NCBP2: variants seen among roughly 807,000 people sequenced by gnomAD.
NCBP2 encodes nuclear cap-binding protein subunit 2.
NCBP2 carries 8 observed loss-of-function variants against 21.5 expected under a neutral mutation model. The observed-to-expected ratio is 0.37, with a 90% CI of 0.22 to 0.67. The LOEUF is 0.67. Among genes scored for constraint, NCBP2 ranks in the 30% least tolerant of loss-of-function variants. The pLI is 0.56. For synonymous variants in NCBP2, 92 were observed against 75.8 expected (o/e 1.21, Z -1.11); for missense variants, 127 against 206.9 (o/e 0.61, Z 2.37).
At chr3:196,941,259 A>G (rs1716545382) in intron 1 of NCBP2, 1 of 151,960 alleles carries the variant, frequency 6.6e-6, no homozygotes, top group South Asian at 2.1e-4. Flanking sequence ...CGCCCGCCTA[A>G]TTTTTGTATT....
rs768892509 is a variant in NCBP2, at chr3:196,942,359, CAA to C, written c.78+65_78+66del. On this transcript the variant is annotated intron_variant, in intron 1 of 3. Coordinates refer to ENST00000321256, the MANE Select transcript of NCBP2 (RefSeq NM_007362.5). ...CTGAATGGGAGGCGACACAATGAGA[CAA>C]GAGCAAACCGTTTCTCAGCGTTCTT... 9 of 1,570,438 alleles carry C rather than the reference CAA, an allele frequency of 5.7e-6. No homozygotes were observed. The East Asian group carries it at 7.0e-5, about 12-fold the overall frequency.
chr3:196,935,844 A>T lies in NCBP2; in HGVS notation c.*1167T>A, dbSNP rs1296691318. 1 of 96,874 alleles carries T rather than the reference A, an allele frequency of 1.0e-5. No homozygotes were observed. Among genetic ancestry groups the T allele is most frequent in the Non-Finnish European group, 1.9e-5 (1 of 51,916 alleles). 6.0% of individuals were successfully genotyped at this position (96,874 alleles called of 1,614,324 possible). On this transcript the variant is annotated 3_prime_UTR_variant, in exon 4 of 4. Transcript: ENST00000321256. The stretch of plus-strand genomic sequence containing the variant: ...ATCACCTCTTGCCTTACAAATACCA[A>T]ATAAATTCCCTAGACTCCCCTCCCT...
At chr3:196,939,125 A>G in intron 2 of NCBP2, 126 bp downstream of exon 2, 3 of 744,988 alleles carry the variant, frequency 4.0e-6, no homozygotes, top group Non-Finnish European at 6.9e-6. Flanking sequence ...AAGGGCAGAG[A>G]CACACTGGGT....
intron 3 of NCBP2, 56 bp downstream of exon 3, chr3:196,937,454 G>T: frequency 1.9e-6 from 3 of 1,604,424 alleles, no homozygotes; most frequent in Non-Finnish European, 1.7e-6. Flanking sequence ...CAAAACACCT[G>T]TCATTGTGAC....
intron 1 of NCBP2, chr3:196,942,135 C>A: frequency 1.4e-6 from 2 of 1,464,972 alleles, no homozygotes; most frequent in Non-Finnish European, 1.8e-6. Context: ...GAAACGGGAG[C>A]CGCCACCACC....
intron 1 of NCBP2, 135 bp downstream of exon 1, chr3:196,942,291 G>T: frequency 6.6e-7 from 1 of 1,513,888 alleles, no homozygotes; most frequent in South Asian, 1.3e-5. Context: ...TCCCTGCCTC[G>T]CCAGCAGGCA....
intron 3 of NCBP2, 164 bp downstream of exon 3, chr3:196,937,344 TAA>T (rs1256636513): frequency 2.6e-5 from 26 of 989,572 alleles, no homozygotes; most frequent in Non-Finnish European, 3.2e-5. Context: ...TTTCACGGTT[TAA>T]AAAAAAAATT....
intron 2 of NCBP2, chr3:196,938,389 A>G (rs937927166): frequency 1.3e-5 from 2 of 152,186 alleles, no homozygotes; most frequent in Non-Finnish European, 2.9e-5. Flanking sequence ...ACCGAAACAA[A>G]CATAATTCAG....
At chr3:196,942,336 G>A (rs1716633854) in intron 1 of NCBP2, 90 bp downstream of exon 1, 6 of 1,547,346 alleles carry the variant, frequency 3.9e-6, no homozygotes, top group Non-Finnish European at 5.2e-6. Flanking sequence ...GATTTCAGCT[G>A]AATGGGAGGC....
rs1577863418 is a variant in NCBP2, at chr3:196,939,066, A to C, written c.260+185T>G. 6 of 500,836 alleles carry C rather than the reference A, an allele frequency of 1.2e-5. No individual in the cohort carries two copies. The East Asian group carries it at 1.9e-4, about 16-fold the overall frequency. 31.0% of individuals were successfully genotyped at this position (500,836 alleles called of 1,614,324 possible). ...GAAAAACTTTTTGTTAAAGAACCAT[A>C]AAGCATGGATTTCAGAAGAGAATAT... is the stretch of plus-strand genomic sequence containing the variant. On this transcript the variant is annotated intron_variant, in intron 2 of 3. Coordinates refer to ENST00000321256, the MANE Select transcript of NCBP2 (RefSeq NM_007362.5).
rs1366477626 is a variant in NCBP2 at position 196,936,725 on chromosome 3, GCTAAAGA to G, written c.*279_*285del. ...TCTTTCTAAAAGTGTAGTGGTTATG[GCTAAAGA>G]CTAATCAACATTACAGATCCAATCT... On this transcript the variant is annotated 3_prime_UTR_variant, in exon 4 of 4. Transcript: ENST00000321256. The G allele has an allele frequency of 2.1e-6, 1 of 479,086 alleles. No individual in the cohort carries two copies. Among genetic ancestry groups the G allele is most frequent in the African/African-American group, 1.9e-5 (1 of 51,330 alleles). 29.7% of individuals were successfully genotyped at this position (479,086 alleles called of 1,614,324 possible).
rs1199736248 is a variant in NCBP2, at chr3:196,937,092, A to G, written c.400-10T>C. 3.7e-6 allele frequency: 6 copies of G among 1,613,782 alleles called. No homozygotes were observed. Among genetic ancestry groups the G allele is most frequent in the Non-Finnish European group, 5.1e-6 (6 of 1,179,784 alleles). ...GATACTCATCCCGAACCTTTAATGG[A>G]AAGAATCCAGAGTTACAGTATGGAA... On this transcript the variant is annotated splice_polypyrimidine_tract_variant and intron_variant, in intron 3 of 3. Coordinates refer to ENST00000321256, the MANE Select transcript of NCBP2 (RefSeq NM_007362.5).
In NCBP2 at chr3:196,939,370, A is replaced by T. The variant is rs548405891; in HGVS notation, c.141T>A (p.Leu47=). The change falls in exon 2 of 4, where the codon CTT becomes CTA. Residue 47 remains leucine, a synonymous_variant. Coordinates refer to ENST00000321256, the MANE Select transcript of NCBP2 (RefSeq NM_007362.5). ...TTTGTTCTTCAGTTGTGTAAAAAGA[A>T]AGATTTCCAACATATAACGTACAGC... ...KKSCTLYVGN[L]SFYTTEEQIY... 45 of 1,613,292 alleles carry T rather than the reference A, an allele frequency of 2.8e-5. No homozygotes were observed. The highest frequency in any genetic ancestry group is 3.5e-5 in the Non-Finnish European group (41 of 1,179,388).
chr3:196,941,659 T>G (rs1577867656), intron 1 of NCBP2: 1 of 545,554 alleles, frequency 1.8e-6, no homozygotes, highest in Non-Finnish European at 3.2e-6. Context: ...ACTAAATAAT[T>G]GGGTTAATGA....
At chr3:196,938,973 C>G (rs1223671230) in intron 2 of NCBP2, 13 of 353,230 alleles carry the variant, frequency 3.7e-5, no homozygotes, top group Non-Finnish European at 5.1e-6. Context: ...TAGAACAGTA[C>G]GAGATTTTTA....
intron 1 of NCBP2, chr3:196,941,825 C>G: frequency 7.7e-7 from 1 of 1,304,880 alleles, no homozygotes; most frequent in South Asian, 1.3e-5. Flanking sequence ...AGCAATTCTC[C>G]GATCTTTACA....
At chr3:196,939,038 C>T in intron 2 of NCBP2, 1 of 434,134 alleles carries the variant, frequency 2.3e-6, no homozygotes, top group South Asian at 4.7e-5. Flanking sequence ...GGCAAACATT[C>T]TTGAAAAACT....
At chr3:196,942,165 G>C in intron 1 of NCBP2, 1 of 1,459,128 alleles carries the variant, frequency 6.9e-7, no homozygotes, top group Non-Finnish European at 9.0e-7. Context: ...CAAACCTCTC[G>C]GCACTGGCTG....
rs1047978048 is a variant in NCBP2 at position 196,942,137 on chromosome 3, G to GCCA, written c.78+286_78+288dup. On this transcript the variant is annotated intron_variant, in intron 1 of 3. Coordinates refer to ENST00000321256, the MANE Select transcript of NCBP2 (RefSeq NM_007362.5). ...AGGCACAACCGTGGAAACGGGAGCC[G>GCCA]CCACCACCACCACCGCTCAAACCTC... is the stretch of plus-strand genomic sequence containing the variant. 7.3e-5 allele frequency: 107 copies of GCCA among 1,465,374 alleles called. No homozygotes were observed. In the African/African-American group the frequency reaches 7.9e-4, roughly 11 times the overall value. The allele number at this position is 1,465,374 out of a possible 1,614,324, so 90.8% of individuals were successfully genotyped here.
Sources: allele counts gnomAD v4.1 joint callset, GRCh38; gene constraint gnomAD v4.1.1; transcripts MANE v1.5; gene names NCBI Gene and HGNC (gene_info 2026-07-23, HGNC 2026-07-21).